The following DENND1A variants were observed in gnomAD, a reference collection of about 807,000 sequenced individuals.
DENND1A encodes the protein DENN domain-containing protein 1A.
Under a neutral mutation model 113.7 loss-of-function variants are expected in DENND1A, and 51 were observed. That is an observed-to-expected ratio of 0.45 (90% CI 0.36 to 0.57). DENND1A has a LOEUF of 0.57. DENND1A is among the 20% of genes least tolerant of loss of function. The pLI is 0.00. For synonymous variants in DENND1A, 565 were observed against 570.8 expected, an observed-to-expected ratio of 0.99 and a Z score of 0.14; for missense variants, 1,258 against 1,395.9, an observed-to-expected ratio of 0.90 and a Z score of 1.57.
chr9:123,383,518 C>T (rs904690969), intron 23 of DENND1A, 137 bp downstream of exon 23: 9 of 1,374,440 alleles, frequency 6.5e-6, no homozygotes, highest in African/African-American at 1.4e-5. Context: ...TACAGTCACA[C>T]TGACCCTGAG....
At chr9:123,414,499 A>AT in intron 19 of DENND1A, 1 of 1,542,872 alleles carries the variant, frequency 6.5e-7, no homozygotes, top group East Asian at 2.4e-5. Context: ...TGGGAGACGC[A>AT]TTGTGTGAAG....
chr9:123,718,139 A>G (rs1433313109), intron 5 of DENND1A, among the ~76,000 whole-genome samples: 1 of 152,218 alleles, frequency 6.6e-6, no homozygotes, highest in Non-Finnish European at 1.5e-5. Context: ...TAATGTGAAG[A>G]AAAAAAGAAC....
intron 13 of DENND1A, among the ~76,000 whole-genome samples, chr9:123,538,917 C>G (rs898788083): frequency 4.3e-5 from 6 of 138,422 alleles, no homozygotes; most frequent in African/African-American, 1.6e-4. Context: ...GATAGGGAAC[C>G]AACAATTCAT....
chr9:123,813,353 T>A (rs987242848), intron 2 of DENND1A, among the ~76,000 whole-genome samples: 1 of 152,208 alleles, frequency 6.6e-6, no homozygotes, highest in African/African-American at 2.4e-5. Flanking sequence ...TGCTTTTTAA[T>A]GTACATCTTT....
At chr9:123,500,295 T>C (rs893479173) in intron 13 of DENND1A, among the ~76,000 whole-genome samples, 3 of 152,296 alleles carry the variant, frequency 2.0e-5, no homozygotes, top group African/African-American at 7.2e-5. Flanking sequence ...AAGCCCTTCA[T>C]AGGCCACCAC....
At chr9:123,619,477 T>C (rs1036926686) in intron 10 of DENND1A, among the ~76,000 whole-genome samples, 1 of 152,132 alleles carries the variant, frequency 6.6e-6, no homozygotes, top group African/African-American at 2.4e-5. Context: ...TGGAGTGCAA[T>C]GGCGTGATCA....
At chr9:123,564,980 C>CTTTTTTTTTT (rs199613371) in intron 12 of DENND1A, among the ~76,000 whole-genome samples, 6 of 75,746 alleles carry the variant, frequency 7.9e-5, no homozygotes, top group Non-Finnish European at 7.5e-5. Context: ...TCTGTCCCTT[C>CTTTTTTTTTT]TTTTTTTTTT....
intron 5 of DENND1A, among the ~76,000 whole-genome samples, chr9:123,714,837 G>A (rs2066870389): frequency 6.6e-6 from 1 of 152,126 alleles, no homozygotes; most frequent in South Asian, 2.1e-4. Context: ...TTTCTCCACA[G>A]TCAGGTTTCA....
At chr9:123,789,303 G>T (rs555436352) in intron 3 of DENND1A, among the ~76,000 whole-genome samples, 2 of 152,142 alleles carry the variant, frequency 1.3e-5, no homozygotes, top group South Asian at 4.1e-4. Flanking sequence ...TTACAATCAG[G>T]CTGCTCATTA....
intron 1 of DENND1A, among the ~76,000 whole-genome samples, chr9:123,925,213 T>C (rs1042711310): frequency 2.0e-5 from 3 of 152,180 alleles, no homozygotes; most frequent in East Asian, 1.9e-4. Flanking sequence ...TAAATGGTAA[T>C]ATTTTTATTT....
At chr9:123,885,356 T>G (rs574599201) in intron 1 of DENND1A, among the ~76,000 whole-genome samples, 2 of 152,328 alleles carry the variant, frequency 1.3e-5, no homozygotes, top group East Asian at 1.9e-4. Flanking sequence ...GGCAGCTCCT[T>G]GAGGGTACCA....
At chr9:123,929,468 G>A (rs1199019787) in intron 1 of DENND1A, among the ~76,000 whole-genome samples, 5 of 152,084 alleles carry the variant, frequency 3.3e-5, no homozygotes, top group Admixed American at 6.5e-5. Flanking sequence ...GGGGGCCGCA[G>A]GCCTCAAGCG....
chr9:123,475,271 G>C (rs956151249), intron 13 of DENND1A, among the ~76,000 whole-genome samples: 1 of 152,114 alleles, frequency 6.6e-6, no homozygotes, highest in Non-Finnish European at 1.5e-5. Flanking sequence ...CGCCCACCTC[G>C]GCCTCCCAAA....
At chr9:123,638,272 C>T (rs1345338579) in intron 9 of DENND1A, among the ~76,000 whole-genome samples, 1 of 152,126 alleles carries the variant, frequency 6.6e-6, no homozygotes, top group Non-Finnish European at 1.5e-5. Context: ...AATAAGCCCA[C>T]AGCACCATGA....
chr9:123,700,457 A>G (rs901142695), intron 5 of DENND1A, among the ~76,000 whole-genome samples: 1 of 152,232 alleles, frequency 6.6e-6, no homozygotes, highest in Non-Finnish European at 1.5e-5. Context: ...TGAAATCTAT[A>G]GGACAGGCCA....
At chr9:123,478,442 G>A (rs1376258033) in intron 13 of DENND1A, among the ~76,000 whole-genome samples, 1 of 152,210 alleles carries the variant, frequency 6.6e-6, no homozygotes, top group Non-Finnish European at 1.5e-5. Flanking sequence ...CCCAACACTG[G>A]CTAGCAGGTG....
intron 1 of DENND1A, among the ~76,000 whole-genome samples, chr9:123,912,160 T>C (rs1334022125): frequency 2.0e-5 from 3 of 152,192 alleles, no homozygotes; most frequent in Non-Finnish European, 4.4e-5. Flanking sequence ...ATGTAAATGA[T>C]ATAACAGCAA....
At chr9:123,438,249 G>A (rs1183107874) in intron 19 of DENND1A, among the ~76,000 whole-genome samples, 1 of 152,174 alleles carries the variant, frequency 6.6e-6, no homozygotes, top group African/African-American at 2.4e-5. Flanking sequence ...TAAGGGCAAA[G>A]CTGGAAAGAG....
chr9:123,854,248 G>T (rs368942382), intron 2 of DENND1A, among the ~76,000 whole-genome samples: 41 of 152,304 alleles, frequency 2.7e-4, no homozygotes, highest in African/African-American at 8.9e-4. Flanking sequence ...GCCCTCAGCT[G>T]ATTCTCCTGC....
Sources: gnomAD v4.1 joint callset for allele counts (sites outside exome capture counted in the v4.1 genomes callset) on GRCh38, gnomAD v4.1.1 for gene constraint, MANE v1.5 for transcripts, NCBI Gene and HGNC (gene_info 2026-07-23, HGNC 2026-07-21) for gene names.